TTC29: variants seen among roughly 807,000 people sequenced by gnomAD.
TTC29 encodes tetratricopeptide repeat protein 29.
Under a neutral mutation model 58.1 loss-of-function variants are expected in TTC29, and 49 were observed. That is an observed-to-expected ratio of 0.84 (90% CI 0.67 to 1.07). TTC29 has a LOEUF of 1.07. Among genes scored for constraint, TTC29 ranks in the 50% least tolerant of loss-of-function variants. TTC29 has a pLI of 0.00. For synonymous variants in TTC29, 209 were observed against 196.8 expected (o/e 1.06, Z -0.52); for missense variants, 582 against 555.6 (o/e 1.05, Z -0.48).
chr4:146,891,661 G>A (rs1732374913), intron 6 of TTC29, among the ~76,000 whole-genome samples: 1 of 152,128 alleles, frequency 6.6e-6, no homozygotes, highest in East Asian at 1.9e-4. Flanking sequence ...GACTTTTGAT[G>A]TTGATATTAC....
At chr4:146,901,849 C>G (rs556366201) in intron 6 of TTC29, among the ~76,000 whole-genome samples, 1 of 152,222 alleles carries the variant, frequency 6.6e-6, no homozygotes, top group South Asian at 2.1e-4. Context: ...TTGTTAAGAC[C>G]TGGTTTTCCT....
At chr4:146,870,245 T>A (rs1391626376) in intron 7 of TTC29, among the ~76,000 whole-genome samples, 1 of 151,864 alleles carries the variant, frequency 6.6e-6, no homozygotes, top group East Asian at 1.9e-4. Flanking sequence ...AAATTAAAAA[T>A]TATCCTAAAT....
chr4:146,911,139 A>G (rs1020270142), intron 4 of TTC29, among the ~76,000 whole-genome samples: 1 of 152,152 alleles, frequency 6.6e-6, no homozygotes, highest in South Asian at 2.1e-4. Context: ...AAAGGCAGCA[A>G]AAGTCCCTGC....
chr4:146,913,811 TGATTCAGAAGGGGTTG>T (rs1734049575), intron 4 of TTC29, among the ~76,000 whole-genome samples: 1 of 152,128 alleles, frequency 6.6e-6, no homozygotes, highest in Non-Finnish European at 1.5e-5. Context: ...GAACACTAAG[TGATTCAGAAGGGGTTG>T]GACAATCATT....
chr4:146,760,562 C>T (rs1320438593), intron 11 of TTC29, among the ~76,000 whole-genome samples: 1 of 151,694 alleles, frequency 6.6e-6, no homozygotes, highest in Non-Finnish European at 1.5e-5. Flanking sequence ...GTCACTAAAA[C>T]AGCATGGTAC....
chr4:146,818,007 C>T (rs1405166413), intron 10 of TTC29, among the ~76,000 whole-genome samples: 13 of 152,142 alleles, frequency 8.5e-5, no homozygotes, highest in East Asian at 7.7e-4. Flanking sequence ...CATTACCATT[C>T]AGGACATAGG....
At chr4:146,908,589 ACTT>A (rs2150282150) in intron 5 of TTC29, among the ~76,000 whole-genome samples, 1 of 152,284 alleles carries the variant, frequency 6.6e-6, no homozygotes, top group Admixed American at 6.5e-5. Context: ...AATCAGTAGG[ACTT>A]CTTGACCCAA....
At chr4:146,801,185 CA>C (rs1750191897) in intron 11 of TTC29, among the ~76,000 whole-genome samples, 1 of 152,046 alleles carries the variant, frequency 6.6e-6, no homozygotes, top group South Asian at 2.1e-4. Context: ...ATTTTTTAAG[CA>C]GAGCAGAGAT....
chr4:146,736,002 C>T (rs1029841331), intron 11 of TTC29, among the ~76,000 whole-genome samples: 1 of 152,072 alleles, frequency 6.6e-6, no homozygotes, highest in African/African-American at 2.4e-5. Context: ...ACAATACTAT[C>T]GAAGATTGGG....
At position 146,820,207 on chromosome 4, in the gene TTC29, A is replaced by G. The variant is rs1561157461; in HGVS notation, c.1019T>C (p.Phe340Ser). 2.5e-6 allele frequency: 4 copies of G among 1,612,948 alleles called. No homozygotes were observed. In the East Asian group the frequency reaches 8.9e-5, roughly 36 times the overall value. ...MTEAIKYLKK[F>S]VKIARNNFQS... ...AAAATTGTTTCTTGCAATTTTCACAAATTTTTTCAAGTATTTAATTGCTTC... is the reference window on the plus strand; with the variant it reads ...AAAATTGTTTCTTGCAATTTTCACAGATTTTTTCAAGTATTTAATTGCTTC... Residue 340 changes from phenylalanine to serine, a missense_variant, in exon 10 of 13, where the codon TTT becomes TCT. Transcript: ENST00000325106.
intron 11 of TTC29, among the ~76,000 whole-genome samples, chr4:146,798,271 G>A (rs1355850542): frequency 1.3e-5 from 2 of 152,060 alleles, no homozygotes; most frequent in Admixed American, 6.6e-5. Context: ...CAGGAACAGC[G>A]GGGGATAGGG....
intron 4 of TTC29, among the ~76,000 whole-genome samples, chr4:146,913,207 T>C (rs374076219): frequency 2.6e-5 from 4 of 152,210 alleles, no homozygotes; most frequent in African/African-American, 2.4e-5. Context: ...GAAGAAAACA[T>C]TTGGGGGCCA....
intron 4 of TTC29, among the ~76,000 whole-genome samples, chr4:146,922,295 T>G (rs1173741882): frequency 6.6e-6 from 1 of 150,906 alleles, no homozygotes; most frequent in Non-Finnish European, 1.5e-5. Flanking sequence ...TATGAAATAA[T>G]ACTAAATAAA....
chr4:146,867,610 C>A, intron 7 of TTC29, 27 bp from the exon 8 acceptor site: 1 of 1,085,466 alleles, frequency 9.2e-7, no homozygotes. Flanking sequence ...AAAAAATTAC[C>A]AAGTATTCAA....
intron 6 of TTC29, among the ~76,000 whole-genome samples, chr4:146,885,473 T>A (rs562717567): frequency 6.6e-6 from 1 of 152,194 alleles, no homozygotes; most frequent in East Asian, 1.9e-4. Context: ...TTTCTACGTA[T>A]CTAGATTATT....
chr4:146,775,718 T>C (rs1002703434), intron 11 of TTC29, among the ~76,000 whole-genome samples: 1 of 152,088 alleles, frequency 6.6e-6, no homozygotes, highest in Non-Finnish European at 1.5e-5. Context: ...GAAAATCTGA[T>C]GTTTATGTGT....
intron 11 of TTC29, among the ~76,000 whole-genome samples, chr4:146,714,023 T>A (rs1742737516): frequency 6.6e-6 from 1 of 152,152 alleles, no homozygotes; most frequent in South Asian, 2.1e-4. Context: ...TTCAAGACAG[T>A]GTAACAGAAA....
chr4:146,942,658 A>G, intron 2 of TTC29: 1 of 1,529,030 alleles, frequency 6.5e-7, no homozygotes, highest in Non-Finnish European at 8.8e-7. Context: ...GGAATCATCT[A>G]AGTTCTTAAC....
chr4:146,883,641 C>T (rs994933290), intron 6 of TTC29, among the ~76,000 whole-genome samples: 6 of 151,944 alleles, frequency 3.9e-5, no homozygotes, highest in Admixed American at 6.6e-5. Context: ...AATACTGCCT[C>T]CTGAACAGTT....
Sources: gnomAD v4.1 joint callset for allele counts (sites outside exome capture counted in the v4.1 genomes callset) on GRCh38, gnomAD v4.1.1 for gene constraint, MANE v1.5 for transcripts, NCBI Gene and HGNC (gene_info 2026-07-23, HGNC 2026-07-21) for gene names.